The following RMDN2 variants were observed in gnomAD, a reference collection of about 807,000 sequenced individuals.
RMDN2 encodes the protein regulator of microtubule dynamics protein 2.
Under a neutral mutation model 52.8 loss-of-function variants are expected in RMDN2, and 61 were observed. That is an observed-to-expected ratio of 1.16 (90% confidence interval 0.94 to 1.43). The LOEUF (loss-of-function observed/expected upper bound fraction) is 1.43. Among genes scored for constraint, RMDN2 ranks in the 40% most tolerant of loss-of-function variants. The pLI is 0.00. For missense variants in RMDN2, 592 were observed against 475.3 expected (o/e 1.25, Z -2.28); for synonymous variants, 180 against 153.1 (o/e 1.18, Z -1.30).
chr2:37,924,669 G>GT (rs1666135513), upstream of RMDN2, among the ~76,000 whole-genome samples: 1 of 152,194 alleles, frequency 6.6e-6, no homozygotes, highest in South Asian at 2.1e-4. Flanking sequence ...GCCCGGCCCA[G>GT]TTTTTAAGAG....
chr2:37,932,607 C>A (rs1666866907), intron 2 of RMDN2, among the ~76,000 whole-genome samples: 1 of 151,684 alleles, frequency 6.6e-6, no homozygotes, highest in South Asian at 2.1e-4. Context: ...GGTGGCCGGG[C>A]AGAGGGGCTC....
chr2:37,954,168 T>C (rs1669176473), intron 2 of RMDN2, among the ~76,000 whole-genome samples: 1 of 152,034 alleles, frequency 6.6e-6, no homozygotes, highest in Admixed American at 6.6e-5. Flanking sequence ...CTCTGTTGAT[T>C]ATGTCCTTTG....
chr2:37,975,135 A>AGTT, intron 3 of RMDN2, 77 bp from the exon 4 acceptor site: 1 of 825,024 alleles, frequency 1.2e-6, no homozygotes, highest in Non-Finnish European at 2.1e-6. Context: ...GTTTTTAAAA[A>AGTT]GTTGCAGTAG....
chr2:38,016,782 A>T (rs1678851180), intron 10 of RMDN2, among the ~76,000 whole-genome samples: 1 of 152,162 alleles, frequency 6.6e-6, no homozygotes, highest in Non-Finnish European at 1.5e-5. Context: ...AAAAACTTAG[A>T]GTAAAACAGG....
intron 10 of RMDN2, among the ~76,000 whole-genome samples, chr2:38,055,941 G>A (rs1026487295): frequency 6.6e-6 from 1 of 152,090 alleles, no homozygotes; most frequent in African/African-American, 2.4e-5. Context: ...CTGTTAACAA[G>A]TAGGGTGATG....
At chr2:37,999,827 G>A (rs1676077300) in intron 8 of RMDN2, among the ~76,000 whole-genome samples, 1 of 152,104 alleles carries the variant, frequency 6.6e-6, no homozygotes, top group South Asian at 2.1e-4. Flanking sequence ...TCCCGTAGAG[G>A]TTGAGAACAC....
chr2:38,062,444 G>T (rs1682091160), intron 10 of RMDN2, among the ~76,000 whole-genome samples: 1 of 152,144 alleles, frequency 6.6e-6, no homozygotes, highest in Admixed American at 6.6e-5. Flanking sequence ...TTGGGTGGAT[G>T]TAACAGATTT....
intron 10 of RMDN2, among the ~76,000 whole-genome samples, chr2:38,054,592 AT>A (rs2125303082): frequency 6.6e-6 from 1 of 152,300 alleles, no homozygotes; most frequent in African/African-American, 2.4e-5. Context: ...AAATGAATGC[AT>A]TTTCCTCCAT....
intron 10 of RMDN2, among the ~76,000 whole-genome samples, chr2:38,049,464 T>C (rs1176153405): frequency 6.6e-6 from 1 of 152,206 alleles, no homozygotes; most frequent in Non-Finnish European, 1.5e-5. Context: ...GTGGAAGTGA[T>C]TATTTAATTC....
chr2:37,932,536 A>G (rs1572682095), intron 2 of RMDN2, among the ~76,000 whole-genome samples: 2 of 150,146 alleles, frequency 1.3e-5, no homozygotes, highest in Admixed American at 6.6e-5. Context: ...ATTCCACAAA[A>G]CCGCCATTGT....
intron 7 of RMDN2, among the ~76,000 whole-genome samples, chr2:37,993,610 A>G (rs1294603880): frequency 6.6e-6 from 1 of 152,124 alleles, no homozygotes; most frequent in Non-Finnish European, 1.5e-5. Context: ...CCTTGAAACC[A>G]CCTGATAGTC....
chr2:37,926,264 T>G lies in RMDN2; in HGVS notation c.-17+839T>G, dbSNP rs184164054. 6.5e-4 allele frequency among the ~76,000 whole-genome samples: 99 copies of G among 152,344 alleles called. 1 individual carries two copies. The East Asian group carries it at 0.014, about 22-fold the overall frequency. Reference sequence around the variant, plus strand: ...TATGGTGAAAGCATTATAATTAATTTAGTAAAGCATAATTTCTACATCAAA... The same window carrying G: ...TATGGTGAAAGCATTATAATTAATTGAGTAAAGCATAATTTCTACATCAAA... On this transcript the variant is annotated intron_variant, in intron 1 of 10. Transcript: ENST00000354545.
intron 4 of RMDN2, among the ~76,000 whole-genome samples, chr2:37,977,771 G>A (rs1465232328): frequency 6.6e-6 from 1 of 151,860 alleles, no homozygotes; most frequent in African/African-American, 2.4e-5. Flanking sequence ...TGGGTGGCCG[G>A]GCAGAGACGC....
chr2:38,033,614 C>T (rs927817541), intron 10 of RMDN2, among the ~76,000 whole-genome samples: 4 of 152,172 alleles, frequency 2.6e-5, no homozygotes, highest in South Asian at 2.1e-4. Context: ...ATTCATTCTC[C>T]GCATAGATTA....
chr2:38,014,321 A>ATTTC, intron 10 of RMDN2, among the ~76,000 whole-genome samples: 1 of 152,180 alleles, frequency 6.6e-6, no homozygotes, highest in East Asian at 1.9e-4. Flanking sequence ...ACAACCCGCT[A>ATTTC]TTTCTACTCT....
intron 2 of RMDN2, chr2:37,952,550 T>C (rs923823092): frequency 5.4e-6 from 2 of 370,490 alleles, no homozygotes; most frequent in Non-Finnish European, 9.7e-6. Context: ...CTAAAAGTAA[T>C]ACATTCTTTG....
chr2:38,060,113 ATTTTAT>A lies in RMDN2; in HGVS notation c.1714-6864_1714-6859del, dbSNP rs1366124769. ...ATTTTATTTTATTTTATTTTATTTT[ATTTTAT>A]TTTTTTTAGTAGAGACAGGATTTCA... On this transcript the variant is annotated intron_variant, in intron 10 of 10. Transcript: ENST00000234195. 8.6e-3 allele frequency among the ~76,000 whole-genome samples: 481 copies of A among 56,232 alleles called. 8 individuals carry two copies. Among genetic ancestry groups the A allele is most frequent in the African/African-American group, 0.03 (464 of 15,512 alleles). The allele number at this position is 56,232 out of a possible 152,430, so 36.9% of individuals were successfully genotyped here.
intron 10 of RMDN2, among the ~76,000 whole-genome samples, chr2:38,009,012 T>G (rs940393543): frequency 2.6e-5 from 4 of 152,350 alleles, no homozygotes; most frequent in South Asian, 2.1e-4. Context: ...TTCTTTTCTT[T>G]AAGAATGTGG....
intron 10 of RMDN2, chr2:38,027,065 G>C (rs916683555): frequency 2.0e-5 from 3 of 152,022 alleles, no homozygotes. Context: ...TTCTATTTTG[G>C]TAAACATTCC....
Sources: gnomAD v4.1 joint callset for allele counts (sites outside exome capture counted in the v4.1 genomes callset) on GRCh38, gnomAD v4.1.1 for gene constraint, MANE v1.5 for transcripts, NCBI Gene and HGNC (gene_info 2026-07-23, HGNC 2026-07-21) for gene names.